TBC1D22A: variants seen among roughly 807,000 people sequenced by gnomAD.
The protein encoded by TBC1D22A is TBC1 domain family member 22A, also known as putative GTPase activator.
In TBC1D22A, 38 loss-of-function variants were observed where a neutral mutation model predicts 60.2. The observed-to-expected ratio is 0.63, with a 90% CI of 0.49 to 0.83. The LOEUF (loss-of-function observed/expected upper bound fraction) is 0.83. Ranked by LOEUF, TBC1D22A falls within the 40% of genes least tolerant of loss-of-function variation. The probability of loss-of-function intolerance (pLI) is 0.00; values close to 1 mark genes in which losing one functional copy is unlikely to be tolerated. For missense variants in TBC1D22A, 628 were observed against 701.0 expected (o/e 0.90, Z 1.18); for synonymous variants, 302 against 281.7 (o/e 1.07, Z -0.72).
intron 10 of TBC1D22A, among the ~76,000 whole-genome samples, chr22:46,998,959 C>T (rs1214944801): frequency 6.6e-6 from 1 of 152,252 alleles, no homozygotes; most frequent in Non-Finnish European, 1.5e-5. Flanking sequence ...AAGCATTCCC[C>T]AGCCTCACTG....
chr22:47,088,154 A>G (rs2064777640), intron 11 of TBC1D22A, among the ~76,000 whole-genome samples: 1 of 152,152 alleles, frequency 6.6e-6, no homozygotes, highest in African/African-American at 2.4e-5. Context: ...TTGAAAAAAT[A>G]ACCTCTTATC....
intron 12 of TBC1D22A, among the ~76,000 whole-genome samples, chr22:47,151,181 G>A (rs1243065626): frequency 1.3e-5 from 2 of 152,266 alleles, no homozygotes; most frequent in East Asian, 3.9e-4. Context: ...CGGGCCCAGA[G>A]CCTCACCAGA....
intron 4 of TBC1D22A, among the ~76,000 whole-genome samples, chr22:46,852,353 G>T (rs1029375739): frequency 2.2e-4 from 34 of 152,226 alleles, no homozygotes; most frequent in African/African-American, 8.0e-4. Context: ...GGCTGCTGCT[G>T]CGTGTGCCCC....
chr22:46,772,124 T>C lies in TBC1D22A; in HGVS notation c.62+9276T>C, dbSNP rs1344822480. The stretch of plus-strand genomic sequence containing the variant: ...ATATACATATATATGTATACACACA[T>C]ATACATATATATGTATACACACATA... On this transcript the variant is annotated intron_variant, in intron 1 of 12. Transcript: ENST00000337137. Among the ~76,000 whole-genome samples, 336 of 76,606 alleles carry C rather than the reference T, an allele frequency of 4.4e-3. 9 individuals are homozygous for C. The highest frequency in any genetic ancestry group is 0.017 in the African/African-American group (307 of 18,564). 50.3% of individuals were successfully genotyped at this position (76,606 alleles called of 152,430 possible).
chr22:46,924,484 C>T (rs751817355), intron 8 of TBC1D22A, among the ~76,000 whole-genome samples: 39 of 152,150 alleles, frequency 2.6e-4, no homozygotes, highest in Non-Finnish European at 2.6e-4. Context: ...TTGCCGGGTG[C>T]GGTGGCTCAC....
chr22:46,844,012 C>T (rs1489274910), intron 4 of TBC1D22A, among the ~76,000 whole-genome samples: 1 of 151,658 alleles, frequency 6.6e-6, no homozygotes, highest in Non-Finnish European at 1.5e-5. Context: ...GTTGTTCGGT[C>T]TTGAGGGTCA....
intron 11 of TBC1D22A, among the ~76,000 whole-genome samples, chr22:47,048,117 A>C (rs2063089535): frequency 6.6e-6 from 1 of 152,160 alleles, no homozygotes; most frequent in Admixed American, 6.5e-5. Context: ...CTGTTGCTGC[A>C]TTTGCGGTTC....
At chr22:46,804,538 C>T (rs1346892586) in intron 4 of TBC1D22A, among the ~76,000 whole-genome samples, 1 of 152,322 alleles carries the variant, frequency 6.6e-6, no homozygotes, top group African/African-American at 2.4e-5. Flanking sequence ...GCAGGGCATG[C>T]GAGAGCCTCA....
At chr22:47,120,358 G>A (rs1601578489) in intron 12 of TBC1D22A, among the ~76,000 whole-genome samples, 1 of 152,294 alleles carries the variant, frequency 6.6e-6, no homozygotes, top group Non-Finnish European at 1.5e-5. Context: ...TTCTGTTTTT[G>A]TAACATGATG....
chr22:46,919,087 C>G (rs1175657422), intron 8 of TBC1D22A, among the ~76,000 whole-genome samples: 1 of 152,098 alleles, frequency 6.6e-6, no homozygotes, highest in Non-Finnish European at 1.5e-5. Context: ...ACCATCAGCA[C>G]CTTTGTTTTT....
chr22:46,973,300 C>T (rs1163285835), intron 8 of TBC1D22A, among the ~76,000 whole-genome samples: 1 of 152,210 alleles, frequency 6.6e-6, no homozygotes, highest in East Asian at 1.9e-4. Context: ...AGCCACGGCC[C>T]TGCCCCTCTT....
At position 46,894,828 on chromosome 22, in the gene TBC1D22A, G is replaced by A; in HGVS notation, c.882G>A (p.Leu294=). ...GCATGAGCCCTGAAGCGTTGATCCT[G>A]CAGCCCAAGGTGACGGAGGTAAGAA... ...IPRMSPEALI[L]QPKVTEIFER... Residue 294 remains leucine (L), a synonymous_variant, in exon 7 of 13, where the codon CTG becomes CTA. Coordinates refer to ENST00000337137, the MANE Select transcript of TBC1D22A (RefSeq NM_014346.5). 6.2e-7 allele frequency: 1 copy of A among 1,614,224 alleles called. No individual in the cohort carries two copies.
chr22:46,808,014 A>G (rs1424734423), intron 4 of TBC1D22A, among the ~76,000 whole-genome samples: 2 of 152,164 alleles, frequency 1.3e-5, no homozygotes, highest in Non-Finnish European at 2.9e-5. Context: ...ACAGGATTAA[A>G]TCATAGATGA....
At chr22:47,083,005 C>T (rs1168921655) in intron 11 of TBC1D22A, among the ~76,000 whole-genome samples, 3 of 152,210 alleles carry the variant, frequency 2.0e-5, no homozygotes, top group African/African-American at 7.2e-5. Flanking sequence ...GAGCAGTGCT[C>T]TTCAATGACA....
At chr22:46,956,098 C>A (rs1353072191) in intron 8 of TBC1D22A, among the ~76,000 whole-genome samples, 1 of 152,054 alleles carries the variant, frequency 6.6e-6, no homozygotes, top group Non-Finnish European at 1.5e-5. Context: ...AGTCTCAATT[C>A]TGGTTTATTG....
chr22:46,992,317 T>C (rs1162287930), intron 9 of TBC1D22A, among the ~76,000 whole-genome samples: 2 of 152,240 alleles, frequency 1.3e-5, no homozygotes, highest in Non-Finnish European at 2.9e-5. Flanking sequence ...TCCGAAACGT[T>C]GCCTGCTGGG....
chr22:46,892,295 TAA>T (rs130980), intron 6 of TBC1D22A, among the ~76,000 whole-genome samples: 3 of 145,762 alleles, frequency 2.1e-5, no homozygotes, highest in Non-Finnish European at 3.0e-5. Context: ...GTTTTATCTG[TAA>T]AAAAAAAAAA....
chr22:47,126,989 C>T (rs145620498), intron 12 of TBC1D22A, among the ~76,000 whole-genome samples: 36 of 152,314 alleles, frequency 2.4e-4, no homozygotes, highest in Admixed American at 3.3e-4. Flanking sequence ...CGCATAGGCA[C>T]GGGTGCACAC....
intron 4 of TBC1D22A, among the ~76,000 whole-genome samples, chr22:46,846,684 A>T (rs1042617278): frequency 2.0e-5 from 3 of 152,170 alleles, no homozygotes; most frequent in African/African-American, 7.2e-5. Flanking sequence ...GGGTATCAAG[A>T]TACGCCACCA....
Sources: allele counts gnomAD v4.1 joint callset (sites outside exome capture counted in the v4.1 genomes callset), GRCh38; gene constraint gnomAD v4.1.1; transcripts MANE v1.5; gene names NCBI Gene and HGNC (gene_info 2026-07-23, HGNC 2026-07-21).